The following VPS13C variants were observed in gnomAD, a reference collection of about 807,000 sequenced individuals.
VPS13C encodes the protein vacuolar protein sorting 13 homolog C.
A neutral mutation model predicts 456.8 loss-of-function variants in VPS13C; 358 were observed. The ratio of observed to expected loss-of-function variants is 0.78; its 90% CI spans 0.72 to 0.86. The LOEUF is 0.86. VPS13C is among the 40% of genes least tolerant of loss of function. VPS13C has a pLI of 0.00. For synonymous variants in VPS13C, 1,578 were observed against 1,486.7 expected, an observed-to-expected ratio of 1.06 and a Z score of -1.41; for missense variants, 4,818 against 4,385.4, an observed-to-expected ratio of 1.10 and a Z score of -2.79.
At chr15:61,855,592 T>G (rs1363971204) in intron 83 of VPS13C, among the ~76,000 whole-genome samples, 1 of 152,144 alleles carries the variant, frequency 6.6e-6, no homozygotes, top group Non-Finnish European at 1.5e-5. Context: ...AATTTCACAG[T>G]AAATGTTCTT....
rs749483570 is a variant in VPS13C, at chr15:62,060,386, G to C, written c.-12C>G. 1 of 1,509,338 alleles carries C rather than the reference G, an allele frequency of 6.6e-7. No homozygotes were observed. 93.5% of individuals were successfully genotyped at this position (1,509,338 alleles called of 1,614,324 possible). The stretch of plus-strand genomic sequence containing the variant: ...GACTCCAGCACCATGGTGGCGCTGA[G>C]GCACAAGGAGAGGGAGGAGCCGGAA... On this transcript the variant is annotated 5_prime_UTR_variant, in exon 1 of 85. Transcript: ENST00000644861.
chr15:61,863,204 T>C (rs1894319226), intron 82 of VPS13C, among the ~76,000 whole-genome samples: 1 of 152,070 alleles, frequency 6.6e-6, no homozygotes, highest in South Asian at 2.1e-4. Context: ...CTTGGATAAG[T>C]CCCTAAGCCA....
In VPS13C at chr15:61,925,564, T is replaced by C. The variant is rs1301727731; in HGVS notation, c.6517-16A>G. The C allele has an allele frequency of 1.3e-6, 2 of 1,539,670 alleles. No individual in the cohort carries two copies. The highest frequency in any genetic ancestry group is 1.8e-6 in the Non-Finnish European group (2 of 1,136,434). ...GCTGCAAGACCTATAAACAGATAAATGAAATTCACATTTCCATAGATCCAT... is the reference window on the plus strand; with the variant it reads ...GCTGCAAGACCTATAAACAGATAAACGAAATTCACATTTCCATAGATCCAT... On this transcript the variant is annotated splice_polypyrimidine_tract_variant and intron_variant, in intron 52 of 84. Transcript: ENST00000644861.
intron 14 of VPS13C, 29 bp downstream of exon 14, chr15:62,008,626 C>G: frequency 6.5e-7 from 1 of 1,526,866 alleles, no homozygotes; most frequent in South Asian, 1.2e-5. Context: ...ATATGTTCCT[C>G]ACAAAACAAA....
In VPS13C at chr15:61,854,620, G is replaced by C; in HGVS notation, c.11161-62C>G. 5.2e-6 allele frequency: 8 copies of C among 1,524,886 alleles called. No homozygotes were observed. In the South Asian group the frequency reaches 9.0e-5, roughly 17 times the overall value. The allele number at this position is 1,524,886 out of a possible 1,614,324, so 94.5% of individuals were successfully genotyped here. On this transcript the variant is annotated intron_variant, in intron 84 of 84. Transcript: ENST00000644861. ...AAGTATAGGCTCATTTGGTTGAAGG[G>C]AAAGGTATGAAAGCAAGGGCTGAAG...
At chr15:61,937,507 C>T (rs1387300368) in intron 47 of VPS13C, among the ~76,000 whole-genome samples, 3 of 152,188 alleles carry the variant, frequency 2.0e-5, no homozygotes, top group Non-Finnish European at 2.9e-5. Context: ...TGGAGTCTCG[C>T]TCTGTCGCCC....
chr15:61,963,691 T>C (rs2045288192), intron 32 of VPS13C, 144 bp downstream of exon 32: 1 of 619,150 alleles, frequency 1.6e-6, no homozygotes, highest in South Asian at 2.0e-5. Flanking sequence ...ATATCCCAAA[T>C]AGAGGAAGCA....
At chr15:61,860,539 A>C (rs1596262885) in intron 82 of VPS13C, among the ~76,000 whole-genome samples, 1 of 152,172 alleles carries the variant, frequency 6.6e-6, no homozygotes. Context: ...AAATAACAAT[A>C]AGATACTAGG....
chr15:61,946,775 G>C (rs1004825313), intron 43 of VPS13C, among the ~76,000 whole-genome samples: 3 of 151,866 alleles, frequency 2.0e-5, no homozygotes, highest in African/African-American at 7.2e-5. Context: ...GACAATATTT[G>C]TTAAACAGTG....
chr15:61,900,614 A>G (rs2040492605), intron 66 of VPS13C, among the ~76,000 whole-genome samples: 1 of 151,640 alleles, frequency 6.6e-6, no homozygotes, highest in East Asian at 1.9e-4. Flanking sequence ...AAAAGAGGAT[A>G]CAAACAAATG....
intron 15 of VPS13C, 110 bp downstream of exon 15, chr15:62,007,197 GA>G: frequency 1.1e-6 from 1 of 894,170 alleles, no homozygotes; most frequent in East Asian, 3.2e-5. Flanking sequence ...CTCTCAAAAA[GA>G]GGTGAATTCT....
At chr15:61,912,481 T>C (rs2043329908) in intron 62 of VPS13C, among the ~76,000 whole-genome samples, 1 of 152,164 alleles carries the variant, frequency 6.6e-6, no homozygotes, top group Admixed American at 6.5e-5. Context: ...CTGTGAATAT[T>C]TACCAAGTTG....
At chr15:61,920,717 T>C (rs2043627057) in intron 55 of VPS13C, 70 bp from the exon 56 acceptor site, 3 of 1,420,252 alleles carry the variant, frequency 2.1e-6, no homozygotes, top group Non-Finnish European at 2.8e-6. Flanking sequence ...ATGCTGGAGT[T>C]CAGTTCTCCT....
At chr15:61,977,988 C>T (rs1257939479) in intron 23 of VPS13C, among the ~76,000 whole-genome samples, 1 of 151,834 alleles carries the variant, frequency 6.6e-6, no homozygotes, top group African/African-American at 2.4e-5. Flanking sequence ...AATGACCTAC[C>T]ACAACGTGAT....
At chr15:61,871,328 C>A (rs575325376) in intron 79 of VPS13C, among the ~76,000 whole-genome samples, 2 of 152,178 alleles carry the variant, frequency 1.3e-5, no homozygotes, top group East Asian at 3.9e-4. Context: ...ATGAAGTTGT[C>A]CCAGCAAATT....
At chr15:62,058,460 G>T (rs999511818) in intron 1 of VPS13C, among the ~76,000 whole-genome samples, 12 of 151,054 alleles carry the variant, frequency 7.9e-5, no homozygotes, top group African/African-American at 2.9e-4. Flanking sequence ...ATTTCGGGGG[G>T]AAAAAATAAA....
At position 62,033,474 on chromosome 15, in the gene VPS13C, T is replaced by C. The variant is rs752989073; in HGVS notation, c.352A>G (p.Ile118Val). 3.7e-6 allele frequency: 6 copies of C among 1,607,494 alleles called. No individual in the cohort carries two copies. The highest frequency in any genetic ancestry group is 5.1e-6 in the Non-Finnish European group (6 of 1,176,520). Residue 118 changes from isoleucine (I) to valine (V), a missense_variant, in exon 5 of 85, where the codon ATT (isoleucine) becomes GTT (valine). Around this residue, in one of 3 missense-constraint regions of VPS13C, gnomAD observed 4,552 missense variants for 4,130.6 expected, o/e 1.10. Coordinates refer to ENST00000644861, the MANE Select transcript of VPS13C (RefSeq NM_020821.3). Reference protein sequence around the residue: ...QDVKQKELSRIEEALQKAAEK... With the variant: ...QDVKQKELSRVEEALQKAAEK... ...GCTGCTTTTTGAAGGGCTTCTTCAATTCGGGATAGCTCTTTCTGTTTAACA... is the reference window on the plus strand; with the variant it reads ...GCTGCTTTTTGAAGGGCTTCTTCAACTCGGGATAGCTCTTTCTGTTTAACA...
intron 74 of VPS13C, among the ~76,000 whole-genome samples, chr15:61,878,388 G>A (rs1895610003): frequency 6.6e-6 from 1 of 151,156 alleles, no homozygotes; most frequent in Non-Finnish European, 1.5e-5. Flanking sequence ...ATCTAGATAT[G>A]AGTAATCAAA....
chr15:61,890,529 A>T lies in VPS13C; in HGVS notation c.9106-129T>A, dbSNP rs2042618135. On this transcript the variant is annotated intron_variant, in intron 66 of 84. Transcript: ENST00000644861. ...TATAAATTGAAAAATTCTAACCATCAAAATGACATAAATTAAGCTATAATC... is the reference window on the plus strand; with the variant it reads ...TATAAATTGAAAAATTCTAACCATCTAAATGACATAAATTAAGCTATAATC... 8.0e-6 allele frequency: 6 copies of T among 751,658 alleles called. No homozygotes were observed. The East Asian group carries it at 1.6e-4, about 20-fold the overall frequency. The allele number at this position is 751,658 out of a possible 1,614,324, so 46.6% of individuals were successfully genotyped here.
Sources: gnomAD v4.1 joint callset for allele counts (sites outside exome capture counted in the v4.1 genomes callset) on GRCh38, gnomAD v4.1.1 for gene constraint, gnomAD v4.1.1 regional missense constraint, MANE v1.5 for transcripts, NCBI Gene and HGNC (gene_info 2026-07-23, HGNC 2026-07-21) for gene names.